AP4E1: variants seen among roughly 807,000 people sequenced by gnomAD.
The protein encoded by AP4E1 is AP-4 complex subunit epsilon-1.
In AP4E1, 56 loss-of-function variants were observed where a neutral mutation model predicts 128.2. The ratio of observed to expected loss-of-function variants is 0.44; its 90% confidence interval spans 0.35 to 0.55. The LOEUF (loss-of-function observed/expected upper bound fraction) is 0.55. Ranked by LOEUF, AP4E1 falls within the 20% of genes least tolerant of loss-of-function variation. The pLI, the probability that AP4E1 is intolerant of heterozygous loss-of-function variation, is 0.00. For synonymous variants in AP4E1, 484 were observed against 473.1 expected (o/e 1.02, Z -0.30); for missense variants, 1,324 against 1,307.7 (o/e 1.01, Z -0.19).
chr15:50,984,931 A>G (rs888122834), intron 16 of AP4E1, among the ~76,000 whole-genome samples: 1 of 152,078 alleles, frequency 6.6e-6, no homozygotes. Context: ...CCAACAGTGT[A>G]AAAGTGTTCC....
chr15:50,940,053 T>A (rs1326983443), intron 8 of AP4E1, among the ~76,000 whole-genome samples: 1 of 152,192 alleles, frequency 6.6e-6, no homozygotes, highest in African/African-American at 2.4e-5. Flanking sequence ...AGTGGCATTT[T>A]AAAAATAGGC....
rs545920797 is a variant in AP4E1 at position 50,928,571 on chromosome 15, A to T, written c.543-438A>T. ...CCAAAGTGCTGGGATTACAGGCCAA[A>T]GATTTTTAATATTAATAAAAAGATT... On this transcript the variant is annotated intron_variant, in intron 5 of 20. Transcript: ENST00000261842. 3.3e-5 allele frequency among the ~76,000 whole-genome samples: 5 copies of T among 152,282 alleles called. No homozygotes were observed. In the South Asian group the frequency reaches 1.0e-3, roughly 32 times the overall value.
intron 10 of AP4E1, among the ~76,000 whole-genome samples, chr15:50,943,215 C>T (rs2064011290): frequency 6.6e-6 from 1 of 151,942 alleles, no homozygotes; most frequent in East Asian, 1.9e-4. Context: ...CATGTTGCTG[C>T]AAAGGACATG....
chr15:50,913,821 G>A (rs188457867), intron 2 of AP4E1, among the ~76,000 whole-genome samples: 7 of 152,044 alleles, frequency 4.6e-5, no homozygotes, highest in Admixed American at 3.9e-4. Flanking sequence ...TTTTGGGGGC[G>A]GCAGGGTGGG....
intron 14 of AP4E1, among the ~76,000 whole-genome samples, chr15:50,963,518 A>ATG (rs2064344640): frequency 6.6e-6 from 1 of 152,216 alleles, no homozygotes; most frequent in Non-Finnish European, 1.5e-5. Context: ...TGTGGAAGTT[A>ATG]AAAATGTGCA....
chr15:50,913,604 C>T (rs1434450380), intron 2 of AP4E1, among the ~76,000 whole-genome samples: 1 of 152,148 alleles, frequency 6.6e-6, no homozygotes, highest in East Asian at 1.9e-4. Flanking sequence ...ACTTTCATCT[C>T]TAAAAATAAA....
chr15:50,993,038 T>C (rs1159183850), intron 16 of AP4E1, among the ~76,000 whole-genome samples: 1 of 152,228 alleles, frequency 6.6e-6, no homozygotes, highest in Non-Finnish European at 1.5e-5. Flanking sequence ...TAAAGGTATT[T>C]TTGAAAAGTC....
intron 1 of AP4E1, among the ~76,000 whole-genome samples, chr15:50,909,594 T>G (rs562185996): frequency 6.6e-6 from 1 of 152,398 alleles, no homozygotes; most frequent in African/African-American, 2.4e-5. Context: ...ATTTTTAAAT[T>G]TTTATTGACG....
At chr15:50,991,989 T>C (rs1022137246) in intron 16 of AP4E1, among the ~76,000 whole-genome samples, 2 of 150,144 alleles carry the variant, frequency 1.3e-5, no homozygotes, top group Non-Finnish European at 3.0e-5. Flanking sequence ...TTAACTCCAG[T>C]GTTATTGAGA....
chr15:51,002,168 A>G (rs2140940660), intron 20 of AP4E1, among the ~76,000 whole-genome samples: 1 of 152,334 alleles, frequency 6.6e-6, no homozygotes, highest in Non-Finnish European at 1.5e-5. Context: ...GGTGTGAACT[A>G]CTGCACCTGG....
rs2064896343 is a variant in AP4E1 at position 50,997,652 on chromosome 15, T to C, written c.2673T>C (p.Ser891=). The C allele has an allele frequency of 6.2e-7, 1 of 1,613,980 alleles. No individual in the cohort carries two copies. The highest frequency in any genetic ancestry group is 1.3e-5 in the African/African-American group (1 of 74,946). Residue 891 remains serine, a synonymous_variant, in exon 18 of 21, where the codon TCT becomes TCC. Transcript: ENST00000261842. ...NNMEIFHPPQ[S]TAASVAKESS... is the part of the protein sequence containing the mutation. ...TGGAAATTTTTCACCCTCCTCAATC[T>C]ACTGCAGCCTCAGTTGCCAAGGAAA...
Position 50,925,142 on chromosome 15 carries a change from T to A in AP4E1, c.465T>A (p.Thr155=). The change falls in exon 5 of 21, where the codon ACT becomes ACA. Residue 155 remains threonine (T), a synonymous_variant. Transcript: ENST00000261842. ...TNLVEVCMAL[T]VVSQIFPCEM... is the part of the protein sequence containing the mutation. The stretch of plus-strand genomic sequence containing the variant: ...TAGTAGAAGTGTGTATGGCACTGAC[T>A]GTTGTTAGCCAGATTTTCCCCTGCG... 4 of 1,614,038 alleles carry A rather than the reference T, an allele frequency of 2.5e-6. No individual in the cohort carries two copies. The highest frequency in any genetic ancestry group is 1.1e-5 in the South Asian group (1 of 91,078).
At chr15:50,935,481 A>G (rs993055206) in intron 8 of AP4E1, among the ~76,000 whole-genome samples, 2 of 152,126 alleles carry the variant, frequency 1.3e-5, no homozygotes, top group Non-Finnish European at 2.9e-5. Flanking sequence ...TTAACAGCCA[A>G]CGGGAGGAGC....
intron 10 of AP4E1, chr15:50,945,354 T>C: frequency 3.8e-6 from 3 of 779,624 alleles, no homozygotes. Context: ...AAGCTACTCC[T>C]TTGAAAAAGG....
Position 50,997,542 on chromosome 15 carries a change from T to A in AP4E1, c.2563T>A (p.Ser855Thr), listed in dbSNP as rs2064893854. The A allele has an allele frequency of 1.2e-6, 2 of 1,613,980 alleles. No individual in the cohort carries two copies. Among genetic ancestry groups the A allele is most frequent in the Admixed American group, 3.3e-5 (2 of 59,994 alleles). ...KFSLTSELLD[S>T]ESLTELPLVE... ...TTCTCTCACTTCAGAACTTTTGGAT[T>A]CTGAGTCACTCACAGAACTGCCCTT... The change falls in exon 18 of 21, where the codon TCT becomes ACT. Residue 855 changes from serine to threonine, a missense_variant. Ser to Thr is a moderately conservative substitution (Grantham distance 58, BLOSUM62 1). Coordinates refer to ENST00000261842, the MANE Select transcript of AP4E1 (RefSeq NM_007347.5).
chr15:50,968,243 T>C lies in AP4E1; in HGVS notation c.1852-20T>C. On this transcript the variant is annotated intron_variant, in intron 14 of 20. Coordinates refer to ENST00000261842, the MANE Select transcript of AP4E1 (RefSeq NM_007347.5). ...GGATAAATTTATTTAATTCCTAATT[T>C]TTGCTTAATTTTAATATAGGTAGAT... 1.3e-6 allele frequency: 2 copies of C among 1,515,936 alleles called. No individual in the cohort carries two copies. The highest frequency in any genetic ancestry group is 2.3e-5 in the South Asian group (2 of 86,906). The allele number at this position is 1,515,936 out of a possible 1,614,324, so 93.9% of individuals were successfully genotyped here.
At chr15:50,964,417 A>G (rs1285700991) in intron 14 of AP4E1, among the ~76,000 whole-genome samples, 1 of 134,740 alleles carries the variant, frequency 7.4e-6, no homozygotes, top group Admixed American at 7.2e-5. Flanking sequence ...GTTCTCTTGT[A>G]TCTTTTGAGT....
chr15:50,916,620 G>C (rs1437039483), intron 3 of AP4E1, among the ~76,000 whole-genome samples: 2 of 152,192 alleles, frequency 1.3e-5, no homozygotes, highest in Non-Finnish European at 2.9e-5. Flanking sequence ...GGGTGAAGGT[G>C]ACAGATGTCT....
At chr15:50,965,671 T>C (rs1325467855) in intron 14 of AP4E1, among the ~76,000 whole-genome samples, 1 of 152,230 alleles carries the variant, frequency 6.6e-6, no homozygotes, top group Non-Finnish European at 1.5e-5. Flanking sequence ...CACGTTTGGC[T>C]ATCTTCTTTT....
Sources: allele counts gnomAD v4.1 joint callset (sites outside exome capture counted in the v4.1 genomes callset), GRCh38; gene constraint gnomAD v4.1.1; transcripts MANE v1.5; gene names NCBI Gene and HGNC (gene_info 2026-07-23, HGNC 2026-07-21).